SNTG1: variants seen among roughly 807,000 people sequenced by gnomAD.
The protein encoded by SNTG1 is gamma-1-syntrophin.
Under a neutral mutation model 74.7 loss-of-function variants are expected in SNTG1, and 39 were observed. That is an observed-to-expected ratio of 0.52 (90% CI 0.40 to 0.68). SNTG1 has a LOEUF of 0.68. Ranked by LOEUF, SNTG1 falls within the 30% of genes least tolerant of loss-of-function variation. The pLI is 0.00. For synonymous variants in SNTG1, 254 were observed against 217.1 expected, an observed-to-expected ratio of 1.17 and a Z score of -1.49; for missense variants, 685 against 609.5, an observed-to-expected ratio of 1.12 and a Z score of -1.30.
chr8:49,948,797 C>T (rs1809439115), intron 1 of SNTG1, among the ~76,000 whole-genome samples: 1 of 152,170 alleles, frequency 6.6e-6, no homozygotes, highest in Non-Finnish European at 1.5e-5. Context: ...GGAAGGCTGT[C>T]AGTCTTTTGC....
chr8:50,348,346 C>G (rs1034250518), intron 2 of SNTG1, among the ~76,000 whole-genome samples: 4 of 152,162 alleles, frequency 2.6e-5, no homozygotes, highest in African/African-American at 9.6e-5. Context: ...CCCATCTCAA[C>G]AGTGCAACTG....
chr8:50,503,118 G>A (rs1272407422), intron 9 of SNTG1, among the ~76,000 whole-genome samples: 1 of 152,056 alleles, frequency 6.6e-6, no homozygotes, highest in African/African-American at 2.4e-5. Flanking sequence ...AGTATTATTT[G>A]TTTTAAAAAT....
intron 2 of SNTG1, among the ~76,000 whole-genome samples, chr8:50,277,579 G>A (rs1163317770): frequency 6.6e-6 from 1 of 152,054 alleles, no homozygotes; most frequent in Non-Finnish European, 1.5e-5. Context: ...GGAATCCAAA[G>A]CAACATTAAA....
At chr8:50,629,625 C>A (rs1039378657) in intron 13 of SNTG1, among the ~76,000 whole-genome samples, 6 of 151,862 alleles carry the variant, frequency 4.0e-5, no homozygotes, top group South Asian at 4.1e-4. Flanking sequence ...AATTTTAGAA[C>A]CTGAGTGGTC....
At chr8:50,283,457 T>C (rs2088588249) in intron 2 of SNTG1, among the ~76,000 whole-genome samples, 1 of 152,214 alleles carries the variant, frequency 6.6e-6, no homozygotes, top group Non-Finnish European at 1.5e-5. Context: ...TTGTTGAAGG[T>C]CTGATGAATG....
intron 1 of SNTG1, among the ~76,000 whole-genome samples, chr8:49,981,221 A>C (rs891262819): frequency 2.0e-5 from 3 of 152,268 alleles, no homozygotes; most frequent in Non-Finnish European, 4.4e-5. Flanking sequence ...AACCTTAGCA[A>C]TAATAGCCTA....
At chr8:50,660,201 G>T (rs568718566) in intron 15 of SNTG1, among the ~76,000 whole-genome samples, 4 of 139,228 alleles carry the variant, frequency 2.9e-5, no homozygotes, top group Admixed American at 7.5e-5. Flanking sequence ...AGAAAGAAAA[G>T]AAAAGAAGGA....
intron 2 of SNTG1, among the ~76,000 whole-genome samples, chr8:50,298,258 T>C (rs1004785341): frequency 2.6e-5 from 4 of 152,100 alleles, no homozygotes; most frequent in African/African-American, 9.7e-5. Flanking sequence ...TTTCAAGAAG[T>C]AATAATACCT....
At chr8:50,501,452 T>C (rs1217418252) in intron 8 of SNTG1, among the ~76,000 whole-genome samples, 9 of 129,590 alleles carry the variant, frequency 6.9e-5, no homozygotes, top group African/African-American at 3.1e-5. Flanking sequence ...TTTTTTTTTT[T>C]TTCACGGAGT....
intron 8 of SNTG1, among the ~76,000 whole-genome samples, chr8:50,488,953 A>G (rs767895987): frequency 5.9e-5 from 9 of 151,816 alleles, no homozygotes; most frequent in Non-Finnish European, 1.2e-4. Context: ...ACAGGCCCCA[A>G]TGTGTGATAT....
chr8:50,100,896 G>A (rs1030583885), intron 1 of SNTG1, among the ~76,000 whole-genome samples: 7 of 152,062 alleles, frequency 4.6e-5, no homozygotes, highest in Non-Finnish European at 7.4e-5. Flanking sequence ...GAGACGCATA[G>A]TACCCAATAG....
chr8:50,251,000 T>TA (rs11381278), intron 2 of SNTG1, among the ~76,000 whole-genome samples: 135,893 of 151,936 alleles, frequency 0.89, 62,217 homozygotes, highest in East Asian at 1. Context: ...GTCAAAAAGG[T>TA]AAAAACACCA....
At chr8:50,302,155 G>A (rs1188229482) in intron 2 of SNTG1, among the ~76,000 whole-genome samples, 1 of 152,168 alleles carries the variant, frequency 6.6e-6, no homozygotes, top group East Asian at 1.9e-4. Flanking sequence ...ACACTTTGCT[G>A]ACAGACCGGT....
At chr8:50,321,251 C>T (rs1053370372) in intron 2 of SNTG1, among the ~76,000 whole-genome samples, 1 of 152,034 alleles carries the variant, frequency 6.6e-6, no homozygotes, top group Non-Finnish European at 1.5e-5. Flanking sequence ...ATTGTGGTAT[C>T]CTCTTGCTGA....
At chr8:49,916,148 T>C (rs1563342671) in intron 1 of SNTG1, among the ~76,000 whole-genome samples, 4 of 150,180 alleles carry the variant, frequency 2.7e-5, no homozygotes, top group Non-Finnish European at 5.9e-5. Flanking sequence ...AAAAATTATA[T>C]CATCACTTAC....
intron 13 of SNTG1, among the ~76,000 whole-genome samples, chr8:50,621,332 G>A (rs2094922214): frequency 6.6e-6 from 1 of 152,056 alleles, no homozygotes; most frequent in Non-Finnish European, 1.5e-5. Context: ...CCAAGATACG[G>A]CCTTACAAGC....
intron 11 of SNTG1, among the ~76,000 whole-genome samples, chr8:50,547,042 C>T (rs538637984): frequency 3.3e-5 from 5 of 152,184 alleles, no homozygotes; most frequent in Middle Eastern, 3.4e-3. Context: ...TTAGGTATCC[C>T]AAAGTTCTGG....
chr8:50,159,334 T>C (rs924819158), intron 1 of SNTG1, among the ~76,000 whole-genome samples: 2 of 152,156 alleles, frequency 1.3e-5, no homozygotes, highest in Non-Finnish European at 1.5e-5. Flanking sequence ...AGATTTTACG[T>C]TTCCTGGTTA....
chr8:50,355,118 C>T (rs2131029339), intron 2 of SNTG1, among the ~76,000 whole-genome samples: 1 of 152,222 alleles, frequency 6.6e-6, no homozygotes, highest in Admixed American at 6.5e-5. Context: ...CTTTTCACTC[C>T]TACACTATTT....
Sources: gnomAD v4.1 joint callset for allele counts (sites outside exome capture counted in the v4.1 genomes callset) on GRCh38, gnomAD v4.1.1 for gene constraint, MANE v1.5 for transcripts, NCBI Gene and HGNC (gene_info 2026-07-23, HGNC 2026-07-21) for gene names.